ITGA7: variants seen among roughly 807,000 people sequenced by gnomAD.
The protein encoded by ITGA7 is integrin subunit alpha 7.
A neutral mutation model predicts 131.6 loss-of-function variants in ITGA7; 84 were observed. That is an observed-to-expected ratio of 0.64 (90% CI 0.54 to 0.77). ITGA7 has a LOEUF of 0.77. Ranked by LOEUF, ITGA7 falls within the 30% of genes least tolerant of loss-of-function variation. ITGA7 has a pLI of 0.00. For synonymous variants in ITGA7, 548 were observed against 600.7 expected, an observed-to-expected ratio of 0.91 and a Z score of 1.28; for missense variants, 1,399 against 1,482.9, an observed-to-expected ratio of 0.94 and a Z score of 0.93.
rs550384423 is a variant in ITGA7 at position 55,696,341 on chromosome 12, C to A, written c.1829G>T (p.Gly610Val). The change falls in exon 13 of 25, where the codon GGG (glycine) becomes GTG (valine). Residue 610 changes from glycine (G) to valine (V), a missense_variant. Transcript: ENST00000257879. ...PRLRRQAPGQ[G>V]LPPVAPILNA... is the part of the protein sequence containing the mutation. ...GAGGATGGGGGCCACTGGAGGCAGC[C>A]CCTGGCCAGGAGCCTGTCGCCGGAG... The A allele has an allele frequency of 6.5e-5, 103 of 1,585,808 alleles. No individual in the cohort carries two copies. In the Middle Eastern group the frequency reaches 8.3e-4, roughly 13 times the overall value.
intron 13 of ITGA7, 97 bp downstream of exon 13, chr12:55,696,186 A>C (rs1468694708): frequency 2.3e-6 from 3 of 1,321,692 alleles, no homozygotes; most frequent in African/African-American, 1.5e-5. Context: ...CATACGTGAA[A>C]GGGCTCTGTG....
chr12:55,691,253 C>G (rs2135976415), intron 21 of ITGA7, among the ~76,000 whole-genome samples: 1 of 152,208 alleles, frequency 6.6e-6, no homozygotes. Flanking sequence ...TATGTGGAAT[C>G]TGAAAGTTGA....
intron 3 of ITGA7, chr12:55,701,522 T>C: frequency 1.9e-6 from 2 of 1,048,434 alleles, no homozygotes; most frequent in East Asian, 2.6e-5. Flanking sequence ...CCCTGGACCT[T>C]TGTAAGTGTC....
intron 1 of ITGA7, among the ~76,000 whole-genome samples, chr12:55,706,095 A>G (rs1875124928): frequency 6.6e-6 from 1 of 152,162 alleles, no homozygotes; most frequent in Non-Finnish European, 1.5e-5. Context: ...GAGGAGGGGG[A>G]AATGACAAGA....
At chr12:55,706,479 T>C (rs868208096) in intron 1 of ITGA7, among the ~76,000 whole-genome samples, 2 of 152,182 alleles carry the variant, frequency 1.3e-5, no homozygotes, top group Non-Finnish European at 2.9e-5. Context: ...TTGATCCCAG[T>C]AATGGATACT....
intron 1 of ITGA7, among the ~76,000 whole-genome samples, chr12:55,706,648 T>C (rs1452325960): frequency 1.3e-5 from 2 of 151,938 alleles, no homozygotes; most frequent in Non-Finnish European, 2.9e-5. Flanking sequence ...CAAAAGTATA[T>C]CCATCTCCCA....
At chr12:55,715,848 G>T, upstream of ITGA7, 1 of 620,142 alleles carries the variant, frequency 1.6e-6, no homozygotes, top group South Asian at 2.6e-5. Flanking sequence ...CTCGAAGCCT[G>T]AGATCCACAG....
intron 4 of ITGA7, chr12:55,700,273 T>C (rs1229892500): frequency 1.0e-5 from 16 of 1,606,342 alleles, no homozygotes; most frequent in Non-Finnish European, 1.4e-5. Context: ...AAAGTAGCTG[T>C]TGGCAGGGAC....
intron 21 of ITGA7, among the ~76,000 whole-genome samples, chr12:55,691,614 T>C (rs1214320977): frequency 6.6e-6 from 1 of 152,162 alleles, no homozygotes; most frequent in Non-Finnish European, 1.5e-5. Context: ...TTTAAATAAA[T>C]AAATACATTT....
At chr12:55,695,268 A>AGT (rs1872389086) in intron 14 of ITGA7, 1 of 597,846 alleles carries the variant, frequency 1.7e-6, no homozygotes. Context: ...AGGTTTGAAG[A>AGT]CTAACCAATG....
intron 1 of ITGA7, among the ~76,000 whole-genome samples, chr12:55,705,035 CAT>C (rs1874883739): frequency 6.6e-6 from 1 of 152,162 alleles, no homozygotes; most frequent in Admixed American, 6.5e-5. Context: ...TTTGTGGACT[CAT>C]AGAGATACCC....
Position 55,696,306 on chromosome 12 carries a change from G to T in ITGA7, c.1864C>A (p.Gln622Lys). ...ACCTCTGCCCGCTGGGTGCTGGGCT[G>T]GTGGGCATTGAGGATGGGGGCCACT... is the stretch of plus-strand genomic sequence containing the variant. ...PPVAPILNAH[Q>K]PSTQRAEIHF... The change falls in exon 13 of 25, where the codon CAG becomes AAG. Residue 622 changes from glutamine to lysine, a missense_variant. Physicochemically the swap from Gln to Lys is moderately conservative, Grantham distance 53 (BLOSUM62 1). Transcript: ENST00000257879. 1 of 1,579,958 alleles carries T rather than the reference G, an allele frequency of 6.3e-7. No individual in the cohort carries two copies. The highest frequency in any genetic ancestry group is 8.6e-7 in the Non-Finnish European group (1 of 1,162,106).
chr12:55,699,264 G>C (rs1873413967), intron 5 of ITGA7, among the ~76,000 whole-genome samples: 1 of 152,148 alleles, frequency 6.6e-6, no homozygotes, highest in African/African-American at 2.4e-5. Context: ...AGGAGGCTGA[G>C]CACAGTGGCC....
rs769271112 is a variant in ITGA7, at chr12:55,698,219, G to C, written c.1192+164C>G. 7.0e-6 allele frequency: 6 copies of C among 862,980 alleles called. No individual in the cohort carries two copies. In the South Asian group the frequency reaches 1.0e-4, roughly 15 times the overall value. The allele number at this position is 862,980 out of a possible 1,614,324, so 53.5% of individuals were successfully genotyped here. A position where few individuals can be genotyped will look rare whatever the true frequency, so the allele number is the denominator to read the frequency against. On this transcript the variant is annotated intron_variant, in intron 7 of 24. Coordinates refer to ENST00000257879, the MANE Select transcript of ITGA7 (RefSeq NM_002206.3). ...AGATATTACTAACGCAAAAAGGTTA[G>C]GAACTTGCCAAGGTCAGAAAGCTGG... is the stretch of plus-strand genomic sequence containing the variant.
rs998331649 is a variant in ITGA7 at position 55,700,724 on chromosome 12, G to A, written c.670+175C>T. On this transcript the variant is annotated intron_variant, in intron 4 of 24. Coordinates refer to ENST00000257879, the MANE Select transcript of ITGA7 (RefSeq NM_002206.3). The stretch of plus-strand genomic sequence containing the variant: ...GAACACTTGGCCGTGCGAGGGAAAG[G>A]AGGCACCCCCCATTCATGTGTGCAC... The A allele has an allele frequency of 6.0e-6, 5 of 837,490 alleles. No individual in the cohort carries two copies. In the African/African-American group the frequency reaches 6.8e-5, roughly 11 times the overall value. The allele number at this position is 837,490 out of a possible 1,614,324, so 51.9% of individuals were successfully genotyped here.
chr12:55,697,022 G>A lies in ITGA7; in HGVS notation c.1614C>T (p.Gly538=), dbSNP rs765356210. The change falls in exon 12 of 25, where the codon GGC becomes GGT. Residue 538 remains glycine, a synonymous_variant. Coordinates refer to ENST00000257879, the MANE Select transcript of ITGA7 (RefSeq NM_002206.3). The part of the protein sequence containing the change: ...LDADTDRRLR[G]QVPRVTFLSR... ...TCAGGAACGTCACACGGGGAACCTGGCCCCGGAGCCTCCGGTCTGTGTCCG... is the reference window on the plus strand; with the variant it reads ...TCAGGAACGTCACACGGGGAACCTGACCCCGGAGCCTCCGGTCTGTGTCCG... 1 of 1,613,934 alleles carries A rather than the reference G, an allele frequency of 6.2e-7. No homozygotes were observed. Among genetic ancestry groups the A allele is most frequent in the Non-Finnish European group, 8.5e-7 (1 of 1,180,032 alleles).
chr12:55,702,534 C>T (rs1204299826), intron 3 of ITGA7, among the ~76,000 whole-genome samples: 1 of 152,066 alleles, frequency 6.6e-6, no homozygotes, highest in Non-Finnish European at 1.5e-5. Context: ...CGGCTGGTCT[C>T]GAACTCCTGA....
rs747193420 is a variant in ITGA7, at chr12:55,694,314, G to A, written c.2374C>T (p.Leu792=). The A allele has an allele frequency of 6.2e-7, 1 of 1,613,926 alleles. No individual in the cohort carries two copies. Among genetic ancestry groups the A allele is most frequent in the Non-Finnish European group, 8.5e-7 (1 of 1,180,044 alleles). ...LLLATISEQE[L]HPVSARARVF... ...CGGGCTCGTGCAGAGACTGGATGCA[G>A]CTCCTGCTCACTGATCCTGGTGAGT... The change falls in exon 18 of 25, where the codon CTG becomes TTG. Residue 792 remains leucine (L), a synonymous_variant. Transcript: ENST00000257879. This position sits in a 1 kb window ranked among gnomAD's most constrained non-coding sequence, Gnocchi z 5.3.
chr12:55,699,117 C>T (rs1168467821), intron 5 of ITGA7, among the ~76,000 whole-genome samples, 200 bp from the exon 6 acceptor site: 1 of 152,066 alleles, frequency 6.6e-6, no homozygotes, highest in African/African-American at 2.4e-5. Context: ...GATAGCTCTT[C>T]CTCCCCACAG....
Sources: allele counts gnomAD v4.1 joint callset (sites outside exome capture counted in the v4.1 genomes callset), GRCh38; gene constraint gnomAD v4.1.1; non-coding constraint Gnocchi (gnomAD v3.1); transcripts MANE v1.5; gene names NCBI Gene and HGNC (gene_info 2026-07-23, HGNC 2026-07-21).